KCNH1: variants seen among roughly 807,000 people sequenced by gnomAD.
KCNH1 encodes the protein voltage-gated delayed rectifier potassium channel KCNH1.
KCNH1 carries 27 observed loss-of-function variants against 69.2 expected under a neutral mutation model. That is an observed-to-expected ratio of 0.39 (90% CI 0.29 to 0.54). KCNH1 has a LOEUF of 0.54. Among genes scored for constraint, KCNH1 ranks in the 20% least tolerant of loss-of-function variants. KCNH1 has a pLI of 0.68. For missense variants in KCNH1, 798 were observed against 1,261.6 expected, an observed-to-expected ratio of 0.63 and a Z score of 5.57; for synonymous variants, 456 against 487.7, an observed-to-expected ratio of 0.93 and a Z score of 0.86.
chr1:211,056,815 G>A (rs957068361), intron 5 of KCNH1, among the ~76,000 whole-genome samples: 2 of 152,238 alleles, frequency 1.3e-5, no homozygotes, highest in African/African-American at 4.8e-5. Flanking sequence ...CTACGAGTCT[G>A]CAAGAGCCAC....
chr1:211,067,844 A>G (rs987884448), intron 5 of KCNH1, among the ~76,000 whole-genome samples: 3 of 152,190 alleles, frequency 2.0e-5, no homozygotes, highest in Non-Finnish European at 4.4e-5. Flanking sequence ...TCCAGAGTCC[A>G]CCACTTACCA....
rs114717743 is a variant in KCNH1 at position 211,101,504 on chromosome 1, T to C, written c.310+1992A>G. Among the ~76,000 whole-genome samples, 1,262 of 152,294 alleles carry C rather than the reference T, an allele frequency of 8.3e-3. 16 individuals are homozygous for C. The highest frequency in any genetic ancestry group is 0.029 in the African/African-American group (1,188 of 41,574). On this transcript the variant is annotated intron_variant, in intron 3 of 10. Transcript: ENST00000271751. ...TGTTGTATGTACAAATTTAGCCTTG[T>C]CCAGAGCCCCCACTGGCCCACTAGT...
At chr1:211,068,734 G>A (rs1278957752) in intron 5 of KCNH1, among the ~76,000 whole-genome samples, 2 of 152,118 alleles carry the variant, frequency 1.3e-5, no homozygotes, top group Non-Finnish European at 2.9e-5. Flanking sequence ...AGTGCACAGG[G>A]CAAAATGATA....
In KCNH1 at chr1:210,920,036, C is replaced by A. The variant is rs754172417; in HGVS notation, c.1066G>T (p.Val356Phe). 6.2e-7 allele frequency: 1 copy of A among 1,614,012 alleles called. No individual in the cohort carries two copies. Among genetic ancestry groups the A allele is most frequent in the Non-Finnish European group, 8.5e-7 (1 of 1,180,006 alleles). ...ACTCGCCCAAGACGGAGCAGCCGGA[C>A]AACTTTTAGAGAGCTGAACAGGCTG... The part of the protein sequence containing the change: ...ISSLFSSLKV[V>F]RLLRLGRVAR... Residue 356 changes from valine to phenylalanine, a missense_variant, in exon 7 of 11, where the codon GTC (valine) becomes TTC (phenylalanine). By Grantham distance (50) the Val-to-Phe change is conservative. Around this residue, in one of 4 missense-constraint regions of KCNH1, gnomAD observed 266 missense variants for 457.2 expected, o/e 0.58. Transcript: ENST00000271751.
intron 6 of KCNH1, among the ~76,000 whole-genome samples, chr1:210,977,867 T>A (rs1688643083): frequency 6.6e-6 from 1 of 152,126 alleles, no homozygotes. Context: ...CAAATCAGGG[T>A]AAGTAGCATA....
chr1:210,799,795 A>G (rs1558474820), intron 8 of KCNH1, among the ~76,000 whole-genome samples: 2 of 152,040 alleles, frequency 1.3e-5, no homozygotes, highest in South Asian at 4.2e-4. Context: ...CTCATCCCCA[A>G]ATTTGGAAGA....
intron 7 of KCNH1, among the ~76,000 whole-genome samples, chr1:210,814,850 C>T (rs981138480): frequency 6.6e-6 from 1 of 152,158 alleles, no homozygotes; most frequent in African/African-American, 2.4e-5. Context: ...TATACTCCTA[C>T]TGTGATAAGT....
intron 10 of KCNH1, among the ~76,000 whole-genome samples, chr1:210,756,489 A>C (rs1361618541): frequency 6.6e-6 from 1 of 152,242 alleles, no homozygotes; most frequent in Non-Finnish European, 1.5e-5. Context: ...TAGATCTCCA[A>C]GTGATAAGGC....
chr1:210,686,013 G>C (rs760787679), intron 10 of KCNH1, among the ~76,000 whole-genome samples: 7 of 152,174 alleles, frequency 4.6e-5, no homozygotes, highest in Non-Finnish European at 7.3e-5. Context: ...GCTATTACCT[G>C]GGTTCCAGTA....
chr1:211,011,435 C>CA (rs1443826031), intron 6 of KCNH1, among the ~76,000 whole-genome samples: 1 of 152,136 alleles, frequency 6.6e-6, no homozygotes, highest in Non-Finnish European at 1.5e-5. Context: ...CTGCAATAAA[C>CA]ATATGTGTGC....
intron 6 of KCNH1, among the ~76,000 whole-genome samples, chr1:210,936,490 T>C (rs931543061): frequency 2.0e-5 from 3 of 152,176 alleles, no homozygotes; most frequent in African/African-American, 7.2e-5. Flanking sequence ...TATTTGGCAC[T>C]CAAAACCCAA....
At chr1:210,839,698 C>T (rs974056446) in intron 7 of KCNH1, among the ~76,000 whole-genome samples, 7 of 152,150 alleles carry the variant, frequency 4.6e-5, no homozygotes, top group Admixed American at 1.3e-4. Flanking sequence ...CTGAGGGCTA[C>T]AGGACAGAAG....
intron 3 of KCNH1, among the ~76,000 whole-genome samples, chr1:211,092,164 A>C (rs1339130624): frequency 6.6e-6 from 1 of 152,222 alleles, no homozygotes; most frequent in Non-Finnish European, 1.5e-5. Context: ...ATTTTGTGAG[A>C]TAGAGAGCAG....
chr1:210,708,424 T>C (rs1205132918), intron 10 of KCNH1, among the ~76,000 whole-genome samples: 1 of 151,996 alleles, frequency 6.6e-6, no homozygotes, highest in Admixed American at 6.5e-5. Flanking sequence ...AGGCTTCTGC[T>C]TGAAATTCAT....
chr1:210,711,978 C>T lies in KCNH1; in HGVS notation c.2113-27840G>A, dbSNP rs186570176. On this transcript the variant is annotated intron_variant, in intron 10 of 10. Coordinates refer to ENST00000271751, the MANE Select transcript of KCNH1 (RefSeq NM_172362.3). ...GTCCCACATATGTTATTGTCCACAA[C>T]GGCAGAAGGACAGCTGCTCAGGGCC... is the stretch of plus-strand genomic sequence containing the variant. 1.8e-4 allele frequency among the ~76,000 whole-genome samples: 27 copies of T among 152,270 alleles called. No individual in the cohort carries two copies. In the East Asian group the frequency reaches 2.9e-3, roughly 16 times the overall value.
intron 5 of KCNH1, among the ~76,000 whole-genome samples, chr1:211,062,762 T>C (rs1690452406): frequency 6.6e-6 from 1 of 152,204 alleles, no homozygotes; most frequent in Non-Finnish European, 1.5e-5. Context: ...TGAGATATCA[T>C]GTAACCCCAG....
chr1:210,803,748 C>A (rs1381791310), intron 8 of KCNH1, among the ~76,000 whole-genome samples: 2 of 152,170 alleles, frequency 1.3e-5, no homozygotes, highest in Non-Finnish European at 2.9e-5. Flanking sequence ...AGGAAATACA[C>A]CCTGCCTTTC....
In KCNH1 at chr1:211,092,817, CA is replaced by C. The variant is rs538989814; in HGVS notation, c.311-2128del. ...TCTGTTAAGGCAAAAACACACAAAT[CA>C]AAAAAAACCTTTTTTTTTTTGCTCT... On this transcript the variant is annotated intron_variant, in intron 3 of 10. Coordinates refer to ENST00000271751, the MANE Select transcript of KCNH1 (RefSeq NM_172362.3). Among the ~76,000 whole-genome samples, 27 of 141,286 alleles carry C rather than the reference CA, an allele frequency of 1.9e-4. 1 individual carries two copies. The highest frequency in any genetic ancestry group is 4.7e-4 in the African/African-American group (19 of 40,124). The allele number at this position is 141,286 out of a possible 152,430, so 92.7% of individuals were successfully genotyped here.
intron 5 of KCNH1, among the ~76,000 whole-genome samples, chr1:211,048,492 T>C (rs369841301): frequency 1.4e-4 from 22 of 152,230 alleles, no homozygotes; most frequent in East Asian, 1.4e-3. Context: ...TATATACATA[T>C]ACCACGGAAT....
Sources: allele counts gnomAD v4.1 joint callset (sites outside exome capture counted in the v4.1 genomes callset), GRCh38; gene constraint gnomAD v4.1.1; regional missense constraint gnomAD v4.1.1; transcripts MANE v1.5; gene names NCBI Gene and HGNC (gene_info 2026-07-23, HGNC 2026-07-21).